Variants in RYR2 observed in about 807,000 individuals in gnomAD.
RYR2 encodes the protein ryanodine receptor 2, also known as cardiac muscle ryanodine receptor-calcium release channel.
Under a neutral mutation model 601.1 loss-of-function variants are expected in RYR2, and 227 were observed. That is an observed-to-expected ratio of 0.38 (90% CI 0.34 to 0.42). The LOEUF (loss-of-function observed/expected upper bound fraction) is 0.42. Among genes scored for constraint, RYR2 ranks in the 10% least tolerant of loss-of-function variants. The probability of loss-of-function intolerance (pLI) is 1.00; values close to 1 mark genes in which losing one functional copy is unlikely to be tolerated. For synonymous variants in RYR2, 2,223 were observed against 2,175.1 expected, an observed-to-expected ratio of 1.02 and a Z score of -0.61; for missense variants, 4,646 against 6,156.5, an observed-to-expected ratio of 0.75 and a Z score of 8.21.
chr1:237,269,154 T>G lies in RYR2; in HGVS notation c.49-1343T>G, dbSNP rs376740862. Reference sequence around the variant, plus strand: ...GCCTCCCAGGTTAAAGCAATTCTCCTGCCTCAGCCTCCTGAGTAGCTGGGA... The same window carrying G: ...GCCTCCCAGGTTAAAGCAATTCTCCGGCCTCAGCCTCCTGAGTAGCTGGGA... On this transcript the variant is annotated intron_variant, in intron 1 of 104. Coordinates refer to ENST00000366574, the MANE Select transcript of RYR2 (RefSeq NM_001035.3). Among the ~76,000 whole-genome samples, 4 of 149,486 alleles carry G rather than the reference T, an allele frequency of 2.7e-5. No individual in the cohort carries two copies. The South Asian group carries it at 8.6e-4, about 32-fold the overall frequency.
At chr1:237,702,123 C>A in intron 66 of RYR2, 64 bp downstream of exon 66, 2 of 896,286 alleles carry the variant, frequency 2.2e-6, no homozygotes, top group Non-Finnish European at 1.8e-6. Context: ...CTATTTATTT[C>A]AAGAATCTTC....
chr1:237,382,588 C>G (rs1701623424), intron 8 of RYR2, among the ~76,000 whole-genome samples: 1 of 139,462 alleles, frequency 7.2e-6, no homozygotes. Flanking sequence ...TAAGTGTTCT[C>G]ATTATTCAAT....
chr1:237,162,255 T>A (rs959123925), intron 1 of RYR2, among the ~76,000 whole-genome samples: 4 of 152,168 alleles, frequency 2.6e-5, no homozygotes, highest in Admixed American at 6.5e-5. Flanking sequence ...TTATGTGGAT[T>A]ATGTATGATC....
intron 60 of RYR2, among the ~76,000 whole-genome samples, chr1:237,675,924 C>T (rs1382480001): frequency 6.6e-6 from 1 of 152,156 alleles, no homozygotes; most frequent in Non-Finnish European, 1.5e-5. Flanking sequence ...TAAAAGCTTA[C>T]ACTACAAGCT....
At chr1:237,498,556 A>G (rs1664307802) in intron 20 of RYR2, among the ~76,000 whole-genome samples, 1 of 151,954 alleles carries the variant, frequency 6.6e-6, no homozygotes, top group Admixed American at 6.6e-5. Flanking sequence ...TTGTTTTCCC[A>G]TTACACAGAG....
At chr1:237,478,447 G>A (rs1661648777) in intron 17 of RYR2, among the ~76,000 whole-genome samples, 1 of 152,196 alleles carries the variant, frequency 6.6e-6, no homozygotes, top group Admixed American at 6.5e-5. Flanking sequence ...AAATACCACA[G>A]TACGCACCTA....
chr1:237,325,060 C>A (rs567311541), intron 2 of RYR2, among the ~76,000 whole-genome samples: 1 of 152,182 alleles, frequency 6.6e-6, no homozygotes, highest in Non-Finnish European at 1.5e-5. Flanking sequence ...CGAACATTTT[C>A]TTTGTGTAAG....
intron 49 of RYR2, among the ~76,000 whole-genome samples, chr1:237,649,254 T>G (rs1286090363): frequency 6.6e-6 from 1 of 152,226 alleles, no homozygotes; most frequent in Non-Finnish European, 1.5e-5. Context: ...TAAATGTGCT[T>G]TTTTGATTTC....
At chr1:237,572,127 C>T (rs184078967) in intron 29 of RYR2, among the ~76,000 whole-genome samples, 1 of 152,218 alleles carries the variant, frequency 6.6e-6, no homozygotes, top group East Asian at 1.9e-4. Context: ...TCTAACCCTC[C>T]CCTACCTGTC....
intron 1 of RYR2, among the ~76,000 whole-genome samples, chr1:237,069,333 A>G (rs942949012): frequency 6.6e-6 from 1 of 152,164 alleles, no homozygotes. Flanking sequence ...TGTACTTAAT[A>G]TAGGAACATA....
At chr1:237,346,212 A>G (rs1222925319) in intron 3 of RYR2, among the ~76,000 whole-genome samples, 1 of 151,948 alleles carries the variant, frequency 6.6e-6, no homozygotes, top group Non-Finnish European at 1.5e-5. Context: ...CAAAAAAATA[A>G]AATAATTAGC....
chr1:237,770,820 G>A lies in RYR2; in HGVS notation c.11490G>A (p.Leu3830=). The A allele has an allele frequency of 6.4e-7, 1 of 1,553,072 alleles. No individual in the cohort carries two copies. Among genetic ancestry groups the A allele is most frequent in the South Asian group, 1.2e-5 (1 of 84,266 alleles). ...GATTTCCCACAGGAGAAAAGGTTCT[G>A]CAGGACGATGAGTTCACCTGTGACC... ...VTEEGSGEKV[L]QDDEFTCDLF... The change falls in exon 85 of 105, where the codon CTG becomes CTA. Residue 3830 remains leucine (L), a synonymous_variant. Coordinates refer to ENST00000366574, the MANE Select transcript of RYR2 (RefSeq NM_001035.3).
intron 61 of RYR2, among the ~76,000 whole-genome samples, chr1:237,679,693 A>G (rs1353143465): frequency 6.6e-6 from 1 of 152,202 alleles, no homozygotes; most frequent in Non-Finnish European, 1.5e-5. Flanking sequence ...CCACGCATAC[A>G]ATGTAAAATT....
intron 97 of RYR2, among the ~76,000 whole-genome samples, chr1:237,801,367 CAAAAAAAAA>C (rs71162423): frequency 6.3e-5 from 6 of 95,512 alleles, no homozygotes; most frequent in African/African-American, 2.1e-4. Flanking sequence ...CCCATCTCTA[CAAAAAAAAA>C]AAAAAAAAAA....
intron 78 of RYR2, 90 bp from the exon 79 acceptor site, chr1:237,733,615 A>C: frequency 1.2e-6 from 1 of 824,640 alleles, no homozygotes. Context: ...TGTTAGAAAA[A>C]GAACAAAGGT....
intron 1 of RYR2, among the ~76,000 whole-genome samples, chr1:237,254,949 T>C (rs1359329298): frequency 6.6e-6 from 1 of 152,184 alleles, no homozygotes; most frequent in Non-Finnish European, 1.5e-5. Context: ...TGATTTTAAC[T>C]CTTTATGTGC....
Position 237,653,332 on chromosome 1 carries a change from G to C in RYR2, c.7825-942G>C, listed in dbSNP as rs150058861. 3.0e-3 allele frequency among the ~76,000 whole-genome samples: 461 copies of C among 152,252 alleles called. 2 individuals carry two copies. The highest frequency in any genetic ancestry group is 0.011 in the African/African-American group (437 of 41,546). On this transcript the variant is annotated intron_variant, in intron 51 of 104. Coordinates refer to ENST00000366574, the MANE Select transcript of RYR2 (RefSeq NM_001035.3). The stretch of plus-strand genomic sequence containing the variant: ...GAGCAAAAAGAATCACAGATGTATA[G>C]TTCCTTTATTGTGCTTCTGGGTCAT...
intron 91 of RYR2, among the ~76,000 whole-genome samples, chr1:237,787,616 AAAG>A (rs1378181472): frequency 6.6e-6 from 1 of 151,432 alleles, no homozygotes; most frequent in Non-Finnish European, 1.5e-5. Context: ...AAAAAAAAAA[AAAG>A]GATTGAAATT....
chr1:237,395,977 C>T (rs1036648626), intron 10 of RYR2, among the ~76,000 whole-genome samples: 1 of 152,138 alleles, frequency 6.6e-6, no homozygotes, highest in Middle Eastern at 3.2e-3. Flanking sequence ...TTCTTGCATA[C>T]CTTTTGCATA....
Sources: allele counts gnomAD v4.1 joint callset (sites outside exome capture counted in the v4.1 genomes callset), GRCh38; gene constraint gnomAD v4.1.1; transcripts MANE v1.5; gene names NCBI Gene and HGNC (gene_info 2026-07-23, HGNC 2026-07-21).